Variants in SLC5A4 observed in about 807,000 individuals in gnomAD.
SLC5A4 encodes the protein solute carrier family 5 member 4, also known as probable glucose sensor protein SLC5A4.
SLC5A4 carries 55 observed loss-of-function variants against 70.3 expected under a neutral mutation model. The ratio of observed to expected loss-of-function variants is 0.78; its 90% CI spans 0.63 to 0.98. The LOEUF (loss-of-function observed/expected upper bound fraction) is 0.98, where lower values mean the gene tolerates loss of function less well. Ranked by LOEUF, SLC5A4 falls within the 50% of genes least tolerant of loss-of-function variation. SLC5A4 has a pLI of 0.00. For missense variants in SLC5A4, 735 were observed against 839.2 expected, an observed-to-expected ratio of 0.88 and a Z score of 1.53; for synonymous variants, 268 against 305.7, an observed-to-expected ratio of 0.88 and a Z score of 1.29.
At chr22:32,305,287 C>T in the SLC5A4 span, among the ~76,000 whole-genome samples, 6 of 151,988 alleles carry the variant, frequency 3.9e-5, no homozygotes, top group South Asian at 1.0e-3. Context: ...TGTGAAGACA[C>T]GTGTCTGACT....
At chr22:32,312,691 C>T in the SLC5A4 span, among the ~76,000 whole-genome samples, 1 of 152,064 alleles carries the variant, frequency 6.6e-6, no homozygotes, top group African/African-American at 2.4e-5. Context: ...GGGCTTTGGG[C>T]ACAGGCAGCA....
At chr22:32,340,868 G>A in the SLC5A4 span, among the ~76,000 whole-genome samples, 85,759 of 151,876 alleles carry the variant, frequency 0.56, 25,508 homozygotes, top group African/African-American at 0.78. Context: ...TTAAAAGATC[G>A]CCCTGCCACT....
At chr22:32,267,669 C>A in the SLC5A4 span, among the ~76,000 whole-genome samples, 5 of 152,118 alleles carry the variant, frequency 3.3e-5, no homozygotes, top group African/African-American at 9.7e-5. Context: ...TTAACAACAT[C>A]ATTTACATTC....
chr22:32,227,868 G>A (rs1925495658), intron 11 of SLC5A4, among the ~76,000 whole-genome samples: 1 of 151,082 alleles, frequency 6.6e-6, no homozygotes, highest in Non-Finnish European at 1.5e-5. Context: ...TCGGGAGGCT[G>A]AGGCAGGAGA....
At chr22:32,290,759 C>T in the SLC5A4 span, among the ~76,000 whole-genome samples, 1 of 152,100 alleles carries the variant, frequency 6.6e-6, no homozygotes, top group East Asian at 1.9e-4. Context: ...AGGATGAATG[C>T]TGTGTCTTCA....
At chr22:32,297,849 T>C in the SLC5A4 span, among the ~76,000 whole-genome samples, 1 of 106,912 alleles carries the variant, frequency 9.4e-6, no homozygotes, top group Non-Finnish European at 2.0e-5. Flanking sequence ...TTCTGGTATG[T>C]TGTGTCTTTG....
At chr22:32,245,798 C>T (rs1255654168) in intron 5 of SLC5A4, among the ~76,000 whole-genome samples, 1 of 152,196 alleles carries the variant, frequency 6.6e-6, no homozygotes, top group Non-Finnish European at 1.5e-5. Context: ...GGATTACAGG[C>T]GTGAGCCACT....
the SLC5A4 span, among the ~76,000 whole-genome samples, chr22:32,341,027 C>T: frequency 6.6e-6 from 1 of 151,926 alleles, no homozygotes; most frequent in African/African-American, 2.4e-5. Context: ...TGATGGAACA[C>T]GTGAAACAGG....
At chr22:32,337,549 AAAG>A in the SLC5A4 span, among the ~76,000 whole-genome samples, 1 of 151,724 alleles carries the variant, frequency 6.6e-6, no homozygotes, top group Non-Finnish European at 1.5e-5. Flanking sequence ...AAAAAAAAGA[AAAG>A]AAAAAAGAAA....
the SLC5A4 span, among the ~76,000 whole-genome samples, chr22:32,335,399 G>T: frequency 2.6e-5 from 4 of 152,282 alleles, no homozygotes; most frequent in Non-Finnish European, 5.9e-5. Flanking sequence ...CTCAAATGAG[G>T]GGTAAGTGAA....
chr22:32,330,583 G>GGTGTGTGT, the SLC5A4 span, among the ~76,000 whole-genome samples: 4 of 124,486 alleles, frequency 3.2e-5, no homozygotes, highest in East Asian at 3.2e-4. Context: ...TGGGGGCTGT[G>GGTGTGTGT]GTGTGTGTGT....
At chr22:32,315,103 A>G in the SLC5A4 span, among the ~76,000 whole-genome samples, 715 of 152,342 alleles carry the variant, frequency 4.7e-3, 8 homozygotes, top group African/African-American at 0.016. Flanking sequence ...TGTGCATTCT[A>G]CCACAATTCA....
the SLC5A4 span, chr22:32,271,691 C>T: frequency 1.2e-5 from 7 of 571,438 alleles, no homozygotes; most frequent in South Asian, 8.8e-5. Context: ...GCGGCTGCAC[C>T]CCGTGGGCAT....
chr22:32,291,838 A>G, the SLC5A4 span, among the ~76,000 whole-genome samples: 1 of 146,012 alleles, frequency 6.8e-6, no homozygotes, highest in Non-Finnish European at 1.5e-5. Flanking sequence ...GTGTGTGTAT[A>G]TATATGTATG....
the SLC5A4 span, chr22:32,271,777 G>A: frequency 4.9e-3 from 2,916 of 594,060 alleles, 61 homozygotes; most frequent in African/African-American, 0.048. Flanking sequence ...TCAACAGACA[G>A]GGCAAACTGA....
chr22:32,252,485 A>T (rs926908105), intron 2 of SLC5A4, among the ~76,000 whole-genome samples: 10 of 152,196 alleles, frequency 6.6e-5, no homozygotes, highest in South Asian at 2.1e-4. Flanking sequence ...CATTGTCTGG[A>T]ACACAGCCGT....
At chr22:32,277,198 GA>G in the SLC5A4 span, 1 of 151,836 alleles carries the variant, frequency 6.6e-6, no homozygotes, top group South Asian at 2.1e-4. Context: ...TATTGCTTTA[GA>G]ATTTGAAGGT....
chr22:32,330,682 GGTGTGTGTGTTGGGGGCT>G, the SLC5A4 span, among the ~76,000 whole-genome samples: 3 of 93,218 alleles, frequency 3.2e-5, no homozygotes, highest in Non-Finnish European at 6.2e-5. Flanking sequence ...AGGGGGCTCT[GGTGTGTGTGTTGGGGGCT>G]CTGTGTGTAT....
At chr22:32,316,934 C>CTCTGTGTGTGTGTGTGTGTGTGTG in the SLC5A4 span, among the ~76,000 whole-genome samples, 13 of 148,730 alleles carry the variant, frequency 8.7e-5, no homozygotes, top group African/African-American at 3.0e-4. Flanking sequence ...ATTAACAACT[C>CTCTGTGTGTGTGTGTGTGTGTGTG]TGTGTGTGTG....
Sources: gnomAD v4.1 joint callset for allele counts (sites outside exome capture counted in the v4.1 genomes callset) on GRCh38, gnomAD v4.1.1 for gene constraint, MANE v1.5 for transcripts, NCBI Gene and HGNC (gene_info 2026-07-23, HGNC 2026-07-21) for gene names.